ZDHHC9: variants seen among roughly 807,000 people sequenced by gnomAD.
ZDHHC9 encodes zDHHC palmitoyltransferase 9, also known as palmitoyltransferase ZDHHC9.
ZDHHC9 carries 3 observed loss-of-function variants against 26.6 expected under a neutral mutation model. The observed-to-expected ratio is 0.11, with a 90% CI of 0.05 to 0.29. ZDHHC9 has a LOEUF of 0.29. Ranked by LOEUF, ZDHHC9 falls within the 10% of genes least tolerant of loss-of-function variation. ZDHHC9 has a pLI of 1.00. For missense variants in ZDHHC9, 146 were observed against 296.4 expected (o/e 0.49, Z 3.73); for synonymous variants, 111 against 109.4 (o/e 1.01, Z -0.09).
rs769350753 is a variant in ZDHHC9 at position 129,810,362 on chromosome X, G to C, written c.978+543C>G. 2.1e-4 allele frequency among the ~76,000 whole-genome samples: 23 copies of C among 110,286 alleles called. 1 individual carries two copies. In the East Asian group the frequency reaches 6.5e-3, roughly 31 times the overall value. On this transcript the variant is annotated intron_variant, in intron 10 of 10. Coordinates refer to ENST00000357166, the MANE Select transcript of ZDHHC9 (RefSeq NM_016032.4). Reference sequence around the variant, plus strand: ...CTCCATCTCAAAAAAAAAAGCTCAAGTAATATTTTTTTTTAGGAAAGTACT... The same window carrying C: ...CTCCATCTCAAAAAAAAAAGCTCAACTAATATTTTTTTTTAGGAAAGTACT...
Position 129,842,024 on chromosome X carries a change from C to T in ZDHHC9, c.-79G>A. The T allele has an allele frequency of 7.0e-6, 8 of 1,138,076 alleles. No individual in the cohort carries two copies. Among genetic ancestry groups the T allele is most frequent in the Non-Finnish European group, 7.2e-6 (6 of 829,405 alleles). 93.8% of individuals were successfully genotyped at this position (1,138,076 alleles called of 1,213,427 possible). A position where few individuals can be genotyped will look rare whatever the true frequency, so the allele number is the denominator to read the frequency against. On this transcript the variant is annotated 5_prime_UTR_variant, in exon 3 of 11. The change creates a new upstream start codon in the 5' untranslated region. Transcript: ENST00000357166. ...GAGGCTGAGCCCAGCTTTGAAATCACGTTGCCTGCTATTCCTGCCGCTGGG... is the reference window on the plus strand; with the variant it reads ...GAGGCTGAGCCCAGCTTTGAAATCATGTTGCCTGCTATTCCTGCCGCTGGG...
intron 4 of ZDHHC9, among the ~76,000 whole-genome samples, chrX:129,825,901 G>C (rs1041917073): frequency 9.0e-6 from 1 of 111,395 alleles, no homozygotes; most frequent in Non-Finnish European, 1.9e-5. Flanking sequence ...CAGAGAAGTA[G>C]AACTACTGGG....
At chrX:129,818,609 C>G (rs1927810327) in intron 5 of ZDHHC9, among the ~76,000 whole-genome samples, 1 of 111,867 alleles carries the variant, frequency 8.9e-6, no homozygotes, top group Non-Finnish European at 1.9e-5. Context: ...TGAATAGAAC[C>G]ATATGATGGA....
chrX:129,831,339 G>C (rs1046472106), intron 3 of ZDHHC9, among the ~76,000 whole-genome samples: 2 of 111,746 alleles, frequency 1.8e-5, no homozygotes, highest in Non-Finnish European at 3.8e-5. Context: ...GACGCAAACT[G>C]CCCTGGATGT....
chrX:129,818,747 A>T (rs1261814338), intron 5 of ZDHHC9, among the ~76,000 whole-genome samples: 1 of 112,479 alleles, frequency 8.9e-6, no homozygotes, highest in African/African-American at 3.2e-5. Context: ...TTTTGCAGAA[A>T]CACTAGTAGG....
At position 129,813,668 on chromosome X, in the gene ZDHHC9, G is replaced by A. The variant is rs376385410; in HGVS notation, c.674+9C>T. On this transcript the variant is annotated intron_variant, in intron 7 of 10. Transcript: ENST00000357166. ...GGCTTCACAGGGACATACTGCCAGC[G>A]GAGGATATGTTCCAGGAGTTTCTTT... is the stretch of plus-strand genomic sequence containing the variant. The A allele has an allele frequency of 7.9e-5, 95 of 1,207,674 alleles. No homozygotes were observed. Among genetic ancestry groups the A allele is most frequent in the East Asian group, 3.3e-4 (11 of 33,782 alleles).
At chrX:129,817,373 G>A (rs1192554633) in intron 5 of ZDHHC9, among the ~76,000 whole-genome samples, 1 of 109,928 alleles carries the variant, frequency 9.1e-6, no homozygotes, top group Non-Finnish European at 1.9e-5. Context: ...GATCACTTGA[G>A]CTCGGGAGGC....
At chrX:129,811,342 G>A (rs1342368663) in intron 9 of ZDHHC9, 64 bp downstream of exon 9, 1 of 992,127 alleles carries the variant, frequency 1.0e-6, no homozygotes, top group Non-Finnish European at 1.4e-6. Context: ...CATCAGACAA[G>A]GTAACAGGAT....
In ZDHHC9 at chrX:129,803,494, A is replaced by G. The variant is rs767436386; in HGVS notation, c.*2876T>C. 2.0e-4 allele frequency: 22 copies of G among 112,803 alleles called. No individual in the cohort carries two copies. Among genetic ancestry groups the G allele is most frequent in the African/African-American group, 6.8e-4 (21 of 31,102 alleles). The allele number at this position is 112,803 out of a possible 1,213,427, so 9.3% of individuals were successfully genotyped here. A position where few individuals can be genotyped will look rare whatever the true frequency, so the allele number is the denominator to read the frequency against. ...TAGAAAATAGATTTAAAAACAAAAT[A>G]CTTTTTTTCTCCAACAAAGTAAAGA... On this transcript the variant is annotated 3_prime_UTR_variant, in exon 11 of 11. Coordinates refer to ENST00000357166, the MANE Select transcript of ZDHHC9 (RefSeq NM_016032.4).
At chrX:129,829,698 C>T (rs1928099351) in intron 3 of ZDHHC9, among the ~76,000 whole-genome samples, 1 of 111,989 alleles carries the variant, frequency 8.9e-6, no homozygotes, top group African/African-American at 3.2e-5. Context: ...ACATCCATTC[C>T]TCTGGTCTCC....
intron 3 of ZDHHC9, among the ~76,000 whole-genome samples, chrX:129,829,458 C>G (rs1008246046): frequency 9.8e-5 from 11 of 111,873 alleles, no homozygotes; most frequent in African/African-American, 3.2e-4. Flanking sequence ...TTCACACCTG[C>G]TAAGAATAGG....
chrX:129,835,590 C>A (rs12009734), intron 3 of ZDHHC9, among the ~76,000 whole-genome samples: 5 of 111,129 alleles, frequency 4.5e-5, no homozygotes, highest in African/African-American at 1.6e-4. Flanking sequence ...CGAGACCAGC[C>A]TGGCCAACAC....
chrX:129,817,083 C>T (rs1335420116), intron 5 of ZDHHC9, among the ~76,000 whole-genome samples: 2 of 110,979 alleles, frequency 1.8e-5, no homozygotes, highest in Admixed American at 1.9e-4. Context: ...CCATGTTAGC[C>T]AGGCTGGTCT....
Position 129,832,659 on chromosome X carries a change from T to C in ZDHHC9, c.168-3518A>G, listed in dbSNP as rs1034018724. On this transcript the variant is annotated intron_variant, in intron 3 of 10. Transcript: ENST00000357166. Reference sequence around the variant, plus strand: ...TTAGCCAGGCGTGGTGGTGGGTGCCTGTAGTCCCAGCTACTTGGGAGGCTG... The same window carrying C: ...TTAGCCAGGCGTGGTGGTGGGTGCCCGTAGTCCCAGCTACTTGGGAGGCTG... 1.2e-3 allele frequency among the ~76,000 whole-genome samples: 131 copies of C among 110,667 alleles called. 1 individual carries two copies. The highest frequency in any genetic ancestry group is 7.7e-4 in the Non-Finnish European group (41 of 52,961).
At chrX:129,825,365 T>C (rs907762757) in intron 4 of ZDHHC9, among the ~76,000 whole-genome samples, 1 of 112,109 alleles carries the variant, frequency 8.9e-6, no homozygotes, top group African/African-American at 3.2e-5. Context: ...TTTATATTTT[T>C]TGGCGTATTT....
intron 10 of ZDHHC9, among the ~76,000 whole-genome samples, chrX:129,807,745 G>A (rs1927554470): frequency 1.8e-5 from 2 of 111,898 alleles, no homozygotes; most frequent in African/African-American, 6.5e-5. Flanking sequence ...CTTGAACCCA[G>A]GAGGTGGAGG....
At chrX:129,842,615 C>G (rs1484979074) in intron 2 of ZDHHC9, among the ~76,000 whole-genome samples, 1 of 112,863 alleles carries the variant, frequency 8.9e-6, no homozygotes. Flanking sequence ...CAATTAGCCA[C>G]TCGAATATGA....
chrX:129,809,866 C>A (rs892732196), intron 10 of ZDHHC9, among the ~76,000 whole-genome samples: 3 of 109,343 alleles, frequency 2.7e-5, no homozygotes, highest in African/African-American at 1.0e-4. Flanking sequence ...GGCGTGGTGG[C>A]ACATGCCTGT....
chrX:129,817,749 T>C (rs1927790631), intron 5 of ZDHHC9, among the ~76,000 whole-genome samples: 1 of 110,749 alleles, frequency 9.0e-6, no homozygotes, highest in Non-Finnish European at 1.9e-5. Context: ...TGTCTTTTTT[T>C]TTTTCACATA....
Sources: allele counts gnomAD v4.1 joint callset (sites outside exome capture counted in the v4.1 genomes callset), GRCh38; gene constraint gnomAD v4.1.1; transcripts MANE v1.5; gene names NCBI Gene and HGNC (gene_info 2026-07-23, HGNC 2026-07-21).